Variants in ARHGAP39 observed in about 807,000 individuals in gnomAD.
ARHGAP39 encodes Rho GTPase activating protein 39.
A neutral mutation model predicts 106.9 loss-of-function variants in ARHGAP39; 44 were observed. The observed-to-expected ratio is 0.41, with a 90% confidence interval of 0.32 to 0.53. The LOEUF (loss-of-function observed/expected upper bound fraction) is 0.53, where lower values mean the gene tolerates loss of function less well. Among genes scored for constraint, ARHGAP39 ranks in the 20% least tolerant of loss-of-function variants. ARHGAP39 has a pLI of 0.21. For missense variants in ARHGAP39, 1,496 were observed against 1,577.3 expected, an observed-to-expected ratio of 0.95 and a Z score of 0.87; for synonymous variants, 768 against 693.2, an observed-to-expected ratio of 1.11 and a Z score of -1.69.
chr8:144,533,335 CAG>C lies in ARHGAP39; in HGVS notation c.2689-12_2689-11del. The C allele has an allele frequency of 6.2e-7, 1 of 1,611,588 alleles. No homozygotes were observed. Among genetic ancestry groups the C allele is most frequent in the Non-Finnish European group, 8.5e-7 (1 of 1,179,308 alleles). ...TGGGCTTCTTCAGCCCCTGTGAAGA[CAG>C]AGGCTCCGTCCTGGTCTGGCCTGGC... On this transcript the variant is annotated splice_polypyrimidine_tract_variant and intron_variant, in intron 8 of 11. Transcript: ENST00000377307.
rs1443785872 is a variant in ARHGAP39, at chr8:144,537,794, C to T, written c.2541G>A (p.Glu847=). ...NDTKVTQHIK[E]LLERNTKKKS... ...TCTTCTTAGTGTTTCTTTCCAGGAG[C>T]TCTTTTATGTGCTGTGTCACTGGGG... Residue 847 remains glutamate, a synonymous_variant, in exon 7 of 12, where the codon GAG becomes GAA. Coordinates refer to ENST00000377307, the MANE Select transcript of ARHGAP39 (RefSeq NM_025251.3). The T allele has an allele frequency of 1.9e-6, 3 of 1,614,130 alleles. No homozygotes were observed. Among genetic ancestry groups the T allele is most frequent in the Non-Finnish European group, 2.5e-6 (3 of 1,179,986 alleles).
intron 1 of ARHGAP39, among the ~76,000 whole-genome samples, chr8:144,667,321 C>G (rs185908235): frequency 2.0e-5 from 3 of 152,176 alleles, no homozygotes; most frequent in African/African-American, 4.8e-5. Context: ...CTCCTTCCCC[C>G]ACAAGTGGTT....
chr8:144,673,132 G>C (rs150604861), intron 1 of ARHGAP39, among the ~76,000 whole-genome samples: 2 of 151,870 alleles, frequency 1.3e-5, no homozygotes. Context: ...CAGGAGGATC[G>C]CTTGAGCCCA....
At chr8:144,533,603 AG>A (rs1392769333) in intron 8 of ARHGAP39, among the ~76,000 whole-genome samples, 1 of 152,158 alleles carries the variant, frequency 6.6e-6, no homozygotes, top group Non-Finnish European at 1.5e-5. Flanking sequence ...GCTACGGACA[AG>A]CCCAGCTCCC....
At chr8:144,538,945 T>C (rs1400805779) in intron 6 of ARHGAP39, among the ~76,000 whole-genome samples, 1 of 150,460 alleles carries the variant, frequency 6.6e-6, no homozygotes, top group African/African-American at 2.4e-5. Context: ...TGCTCCAGCC[T>C]TGGCCACTGG....
chr8:144,583,137 T>C (rs1819059353), intron 2 of ARHGAP39, among the ~76,000 whole-genome samples: 2 of 152,042 alleles, frequency 1.3e-5, no homozygotes, highest in African/African-American at 4.8e-5. Flanking sequence ...CAGGCACCAA[T>C]AGCTGCCCAG....
chr8:144,612,848 G>C (rs541888453), intron 1 of ARHGAP39, among the ~76,000 whole-genome samples: 6 of 152,386 alleles, frequency 3.9e-5, no homozygotes, highest in Admixed American at 3.9e-4. Context: ...GTGAGATCCT[G>C]TCTCAAAAAA....
chr8:144,582,241 C>A (rs1376860802), intron 2 of ARHGAP39, among the ~76,000 whole-genome samples: 1 of 152,200 alleles, frequency 6.6e-6, no homozygotes, highest in South Asian at 2.1e-4. Flanking sequence ...CAGAAAGAGC[C>A]CCCCTGGCGG....
chr8:144,547,499 G>A lies in ARHGAP39; in HGVS notation c.1587C>T (p.Cys529=), dbSNP rs773050497. ...GCTTCACGGGGGCGAGGCTGGTCCC[G>A]CACGGGGGCTGTTCCTCGGCCAGGG... ...EQPLAEEQPP[C]GTSLAPVKRA... The change falls in exon 5 of 12, where the codon TGC becomes TGT. Residue 529 remains cysteine (C), a synonymous_variant. Coordinates refer to ENST00000377307, the MANE Select transcript of ARHGAP39 (RefSeq NM_025251.3). This position sits in a 1 kb window ranked among gnomAD's most constrained non-coding sequence, Gnocchi z 5.2. 20 of 1,506,272 alleles carry A rather than the reference G, an allele frequency of 1.3e-5. No individual in the cohort carries two copies. In the Admixed American group the frequency reaches 2.5e-4, roughly 19 times the overall value. 93.3% of individuals were successfully genotyped at this position (1,506,272 alleles called of 1,614,324 possible). A position where few individuals can be genotyped will look rare whatever the true frequency, so the allele number is the denominator to read the frequency against.
chr8:144,673,664 C>G (rs1276911764), intron 1 of ARHGAP39, among the ~76,000 whole-genome samples: 5 of 152,204 alleles, frequency 3.3e-5, no homozygotes, highest in African/African-American at 4.8e-5. Flanking sequence ...CAGCCAGAAA[C>G]CGCTGTGGCC....
chr8:144,696,214 C>G, the ARHGAP39 span, among the ~76,000 whole-genome samples: 9 of 152,186 alleles, frequency 5.9e-5, no homozygotes, highest in Admixed American at 5.9e-4. Flanking sequence ...TCTCAGCTGA[C>G]TGCAACCTCC....
chr8:144,631,823 C>T lies in ARHGAP39; in HGVS notation c.-81-26128G>A, dbSNP rs999890054. Among the ~76,000 whole-genome samples the T allele has an allele frequency of 4.6e-5, 7 of 152,372 alleles. No individual in the cohort carries two copies. The East Asian group carries it at 9.6e-4, about 21-fold the overall frequency. On this transcript the variant is annotated intron_variant, in intron 1 of 11. Coordinates refer to ENST00000377307, the MANE Select transcript of ARHGAP39 (RefSeq NM_025251.3). ...CCAACATCTCCTGTTTTCTTGTAAC[C>T]TTTTTCCAGAGAAAGGGCCTCCACA...
chr8:144,679,745 C>T lies in ARHGAP39; in HGVS notation c.-82+5941G>A, dbSNP rs1177880051. On this transcript the variant is annotated intron_variant, in intron 1 of 11. Coordinates refer to ENST00000377307, the MANE Select transcript of ARHGAP39 (RefSeq NM_025251.3). The surrounding 1 kb of genome is among the most constrained non-coding windows in gnomAD (Gnocchi z 4.7). The stretch of plus-strand genomic sequence containing the variant: ...CCTGTAATCCCAGCACTTTGGGAGG[C>T]CAAGGCGGGCGGATCACGAGGTCAG... 2.0e-5 allele frequency among the ~76,000 whole-genome samples: 3 copies of T among 152,170 alleles called. No homozygotes were observed. Among genetic ancestry groups the T allele is most frequent in the Non-Finnish European group, 4.4e-5 (3 of 68,026 alleles).
chr8:144,567,802 C>A (rs1428025974), intron 3 of ARHGAP39, among the ~76,000 whole-genome samples: 2 of 152,192 alleles, frequency 1.3e-5, no homozygotes, highest in African/African-American at 4.8e-5. Flanking sequence ...GGCCCCCTGG[C>A]CAGTGGACAT....
At chr8:144,559,088 G>A (rs777791637) in intron 3 of ARHGAP39, among the ~76,000 whole-genome samples, 1 of 151,976 alleles carries the variant, frequency 6.6e-6, no homozygotes, top group Non-Finnish European at 1.5e-5. Context: ...GGCACCTGTA[G>A]TCCCAGCTAC....
chr8:144,654,945 A>C (rs1323236505), intron 1 of ARHGAP39, among the ~76,000 whole-genome samples: 1 of 152,112 alleles, frequency 6.6e-6, no homozygotes, highest in East Asian at 1.9e-4. Flanking sequence ...CAATGGGCAC[A>C]GCTGCAGCCA....
rs774565808 is a variant in ARHGAP39 at position 144,646,843 on chromosome 8, G to T, written c.-82+38843C>A. Among the ~76,000 whole-genome samples, 1 of 152,182 alleles carries T rather than the reference G, an allele frequency of 6.6e-6. No individual in the cohort carries two copies. The highest frequency in any genetic ancestry group is 1.5e-5 in the Non-Finnish European group (1 of 68,040). ...TGGGTTTTTCTCCACCACACTTGCT[G>T]CAGACGAGGGTCCGGGACCAGACAC... is the stretch of plus-strand genomic sequence containing the variant. On this transcript the variant is annotated intron_variant, in intron 1 of 11. Transcript: ENST00000377307. This position sits in a 1 kb window ranked among gnomAD's most constrained non-coding sequence, Gnocchi z 5.7.
chr8:144,657,578 C>G (rs149011408), intron 1 of ARHGAP39, among the ~76,000 whole-genome samples: 67 of 152,290 alleles, frequency 4.4e-4, no homozygotes, highest in Middle Eastern at 6.8e-3. Flanking sequence ...ACCACAGATA[C>G]AAACATCCTT....
At chr8:144,543,397 C>T (rs1817276518) in intron 6 of ARHGAP39, among the ~76,000 whole-genome samples, 1 of 152,188 alleles carries the variant, frequency 6.6e-6, no homozygotes. Flanking sequence ...TATGTAGAGG[C>T]CTCTCTTCTG....
Sources: gnomAD v4.1 joint callset for allele counts (sites outside exome capture counted in the v4.1 genomes callset) on GRCh38, gnomAD v4.1.1 for gene constraint, Gnocchi (gnomAD v3.1) non-coding constraint, MANE v1.5 for transcripts, NCBI Gene and HGNC (gene_info 2026-07-23, HGNC 2026-07-21) for gene names.